The following OR2L13 variants were observed in gnomAD, a reference collection of about 807,000 sequenced individuals.
OR2L13 encodes the protein olfactory receptor family 2 subfamily L member 13.
In OR2L13, 14 loss-of-function variants were observed where a neutral mutation model predicts 15.3. That is an observed-to-expected ratio of 0.91 (90% CI 0.60 to 1.43). The LOEUF (loss-of-function observed/expected upper bound fraction) is 1.43, where lower values mean the gene tolerates loss of function less well. OR2L13 is among the 40% of genes most tolerant of loss of function. The probability of loss-of-function intolerance (pLI) is 0.00; values close to 1 mark genes in which losing one functional copy is unlikely to be tolerated. For synonymous variants in OR2L13, 152 were observed against 142.9 expected, an observed-to-expected ratio of 1.06 and a Z score of -0.45; for missense variants, 367 against 387.9, an observed-to-expected ratio of 0.95 and a Z score of 0.45.
chr1:247,987,210 A>G, the OR2L13 span, among the ~76,000 whole-genome samples: 14 of 152,292 alleles, frequency 9.2e-5, no homozygotes, highest in East Asian at 2.5e-3. Context: ...ATAGCTTTTG[A>G]CTATTGTTGC....
chr1:247,954,996 G>A, the OR2L13 span, among the ~76,000 whole-genome samples: 121,224 of 151,758 alleles, frequency 0.8, 52,576 homozygotes, highest in South Asian at 0.95. Flanking sequence ...TGTGCATAAC[G>A]TGCAGGTTAG....
chr1:248,007,234 CTCCTACTGACAT>C, the OR2L13 span, among the ~76,000 whole-genome samples: 1 of 152,194 alleles, frequency 6.6e-6, no homozygotes, highest in Non-Finnish European at 1.5e-5. Context: ...ATTGAAATCA[CTCCTACTGACAT>C]TCCTGTATAG....
chr1:248,054,717 A>C, the OR2L13 span, among the ~76,000 whole-genome samples: 1 of 152,042 alleles, frequency 6.6e-6, no homozygotes, highest in East Asian at 1.9e-4. Flanking sequence ...TGAATGGGAG[A>C]TCATTCATGA....
the OR2L13 span, chr1:247,990,763 C>A: frequency 6.2e-7 from 1 of 1,601,420 alleles, no homozygotes; most frequent in Non-Finnish European, 8.6e-7. Context: ...ACTCCGTATC[C>A]CATATTGCAA....
At chr1:247,950,423 TCAA>T in the OR2L13 span, among the ~76,000 whole-genome samples, 4 of 152,150 alleles carry the variant, frequency 2.6e-5, no homozygotes, top group African/African-American at 4.8e-5. Flanking sequence ...AAATTTTAGA[TCAA>T]CAACAAGTAT....
the OR2L13 span, among the ~76,000 whole-genome samples, chr1:248,067,788 AC>A: frequency 6.6e-6 from 1 of 152,338 alleles, no homozygotes; most frequent in African/African-American, 2.4e-5. Context: ...GGCCACTCCC[AC>A]CCGAATACTG....
At chr1:248,071,259 A>G in the OR2L13 span, among the ~76,000 whole-genome samples, 4 of 152,250 alleles carry the variant, frequency 2.6e-5, no homozygotes, top group East Asian at 1.9e-4. Flanking sequence ...CCAGCAGCAC[A>G]TCAAAAAGCT....
chr1:248,064,323 A>G, the OR2L13 span, among the ~76,000 whole-genome samples: 1 of 152,154 alleles, frequency 6.6e-6, no homozygotes, highest in Non-Finnish European at 1.5e-5. Context: ...GTTACAACAG[A>G]TGGTGCCATC....
At chr1:248,015,178 C>T in the OR2L13 span, among the ~76,000 whole-genome samples, 2 of 152,170 alleles carry the variant, frequency 1.3e-5, no homozygotes, top group Non-Finnish European at 2.9e-5. Context: ...TCATACCCTT[C>T]TCAACAATTA....
the OR2L13 span, among the ~76,000 whole-genome samples, chr1:247,960,769 AT>A: frequency 6.6e-6 from 1 of 152,256 alleles, no homozygotes; most frequent in East Asian, 1.9e-4. Context: ...CTGGTGTGCC[AT>A]TTGCTAAGAC....
At chr1:247,956,824 T>A in the OR2L13 span, among the ~76,000 whole-genome samples, 1 of 152,218 alleles carries the variant, frequency 6.6e-6, no homozygotes, top group Non-Finnish European at 1.5e-5. Context: ...AAGTTGCCTA[T>A]CAGCTTAAGG....
chr1:247,998,430 GTGTTT>G, the OR2L13 span, among the ~76,000 whole-genome samples: 854 of 152,102 alleles, frequency 5.6e-3, 13 homozygotes, highest in Middle Eastern at 0.024. Flanking sequence ...TACTTGGTTG[GTGTTT>G]TGTTTTGTTT....
the OR2L13 span, among the ~76,000 whole-genome samples, chr1:248,017,931 A>G: frequency 1.3e-5 from 2 of 152,046 alleles, no homozygotes; most frequent in African/African-American, 4.8e-5. Context: ...GAAAAAATAC[A>G]TTCGTATCGA....
At chr1:248,019,811 C>T in the OR2L13 span, among the ~76,000 whole-genome samples, 8 of 151,694 alleles carry the variant, frequency 5.3e-5, no homozygotes, top group African/African-American at 1.5e-4. Flanking sequence ...GTTTGAGACA[C>T]GGTCTCACTC....
chr1:248,006,779 G>A, the OR2L13 span, among the ~76,000 whole-genome samples: 1 of 152,070 alleles, frequency 6.6e-6, no homozygotes, highest in Non-Finnish European at 1.5e-5. Context: ...TACCATGTGA[G>A]GTCACAGCAG....
exon 3 of OR2L13, chr1:248,100,129 G>A (rs759221873): frequency 6.2e-7 from 1 of 1,613,990 alleles, no homozygotes; most frequent in Non-Finnish European, 8.5e-7. Context: ...CTTTTACTAT[G>A]CACCTTTTGT....
chr1:248,027,595 A>G, the OR2L13 span, among the ~76,000 whole-genome samples: 4 of 152,034 alleles, frequency 2.6e-5, no homozygotes, highest in African/African-American at 9.7e-5. Context: ...CTGTCCCTTT[A>G]TTTCTCAGAC....
At chr1:248,080,836 T>C in the OR2L13 span, among the ~76,000 whole-genome samples, 1 of 152,204 alleles carries the variant, frequency 6.6e-6, no homozygotes, top group Non-Finnish European at 1.5e-5. Context: ...CCTAGATCCT[T>C]GAGGAATCAC....
chr1:247,970,464 T>G, the OR2L13 span, among the ~76,000 whole-genome samples: 1 of 152,152 alleles, frequency 6.6e-6, no homozygotes, highest in Non-Finnish European at 1.5e-5. Context: ...TGAAGAATCT[T>G]GGGGAAAAAC....
Sources: gnomAD v4.1 joint callset for allele counts (sites outside exome capture counted in the v4.1 genomes callset) on GRCh38, gnomAD v4.1.1 for gene constraint, MANE v1.5 for transcripts, NCBI Gene and HGNC (gene_info 2026-07-23, HGNC 2026-07-21) for gene names.